Variants in CELF2 observed in about 807,000 individuals in gnomAD.
The protein encoded by CELF2 is CUG triplet repeat RNA-binding protein 2.
Under a neutral mutation model 62.6 loss-of-function variants are expected in CELF2, and 8 were observed. That is an observed-to-expected ratio of 0.13 (90% confidence interval 0.07 to 0.23). CELF2 has a LOEUF of 0.23. Among genes scored for constraint, CELF2 ranks in the 10% least tolerant of loss-of-function variants. CELF2 has a pLI of 1.00. For synonymous variants in CELF2, 258 were observed against 250.0 expected (o/e 1.03, Z -0.30); for missense variants, 333 against 671.0 (o/e 0.50, Z 5.56).
Position 11,255,639 on chromosome 10 carries a change from C to T in CELF2, c.404-2099C>T, listed in dbSNP as rs3740196. ...TAGAGTTTCTGCGGTGTCCCAGGAG[C>T]TGTCACAGTGGGGAGAGAGCTGGGT... On this transcript the variant is annotated intron_variant, in intron 4 of 12. Transcript: ENST00000633077. This position sits in a 1 kb window ranked among gnomAD's most constrained non-coding sequence, Gnocchi z 5.5. Among the ~76,000 whole-genome samples the T allele has an allele frequency of 0.25, 38,347 of 151,984 alleles. 6,046 individuals are homozygous for T. The highest frequency in any genetic ancestry group is 0.34 in the Non-Finnish European group (23,286 of 67,918).
At chr10:10,545,324 C>A in the CELF2 span, among the ~76,000 whole-genome samples, 6 of 152,216 alleles carry the variant, frequency 3.9e-5, no homozygotes, top group Non-Finnish European at 1.5e-5. Context: ...CAGGTTCCAG[C>A]AGTTGCCCTG....
intron 1 of CELF2, among the ~76,000 whole-genome samples, chr10:10,805,233 G>T (rs551505661): frequency 1.3e-5 from 2 of 152,144 alleles, no homozygotes; most frequent in African/African-American, 4.8e-5. Context: ...CAGGTGTGGA[G>T]CCCCAGTGTG....
chr10:10,745,420 C>T, the CELF2 span, among the ~76,000 whole-genome samples: 3 of 152,306 alleles, frequency 2.0e-5, no homozygotes, highest in South Asian at 4.1e-4. Context: ...TTCATGTAAA[C>T]ATTTTCACAT....
rs1327645972 is a variant in CELF2 at position 11,244,585 on chromosome 10, G to GAA, written c.355-4568_355-4567insAA. Among the ~76,000 whole-genome samples the GAA allele has an allele frequency of 6.6e-6, 1 of 151,254 alleles. No homozygotes were observed. Among genetic ancestry groups the GAA allele is most frequent in the Non-Finnish European group, 1.5e-5 (1 of 67,884 alleles). ...CAGGAGAATGGCATGAACCCGGGAG[G>GAA]CAGAGCTTTCAGTGAGCCGAGATCA... On this transcript the variant is annotated intron_variant, in intron 3 of 12. Coordinates refer to ENST00000633077, the MANE Select transcript of CELF2 (RefSeq NM_001326342.2). The surrounding 1 kb of genome is among the most constrained non-coding windows in gnomAD (Gnocchi z 4.2).
chr10:11,289,934 G>C (rs1244708417), intron 9 of CELF2, among the ~76,000 whole-genome samples: 1 of 152,134 alleles, frequency 6.6e-6, no homozygotes, highest in Non-Finnish European at 1.5e-5. Context: ...TCACAAATCA[G>C]ATTAAAATGT....
chr10:10,500,103 G>C, the CELF2 span, among the ~76,000 whole-genome samples: 2 of 152,156 alleles, frequency 1.3e-5, no homozygotes, highest in East Asian at 3.8e-4. Context: ...GCTTCTAACT[G>C]TCTTAAGTCT....
the CELF2 span, among the ~76,000 whole-genome samples, chr10:10,520,137 G>C: frequency 1.3e-5 from 2 of 152,174 alleles, no homozygotes; most frequent in Non-Finnish European, 2.9e-5. Context: ...CATTTTTTAA[G>C]TGAAACATTA....
At chr10:11,229,864 A>T (rs7922355) in intron 3 of CELF2, among the ~76,000 whole-genome samples, 1 of 152,054 alleles carries the variant, frequency 6.6e-6, no homozygotes. Context: ...AGCTGGGATT[A>T]CAGGCCTGAG....
the CELF2 span, among the ~76,000 whole-genome samples, chr10:10,594,291 G>A: frequency 6.6e-6 from 1 of 152,186 alleles, no homozygotes; most frequent in Non-Finnish European, 1.5e-5. Context: ...AATGCAGGAG[G>A]AAACGCTCAT....
At chr10:11,004,418 C>CGT (rs2054855494), upstream of CELF2, among the ~76,000 whole-genome samples, 1 of 142,960 alleles carries the variant, frequency 7.0e-6, no homozygotes, top group African/African-American at 3.0e-5. The surrounding 1 kb of genome is among the most constrained non-coding windows in gnomAD (Gnocchi z 5.0). Context: ...TGTGTGTGCG[C>CGT]GCGCGTGTGT....
the CELF2 span, among the ~76,000 whole-genome samples, chr10:10,525,576 A>G: frequency 6.6e-6 from 1 of 152,172 alleles, no homozygotes; most frequent in Non-Finnish European, 1.5e-5. Context: ...TCTACCTGTA[A>G]GTGAGACCAT....
chr10:10,837,247 G>C (rs1442044253), intron 1 of CELF2, among the ~76,000 whole-genome samples: 4 of 152,150 alleles, frequency 2.6e-5, no homozygotes, highest in South Asian at 2.1e-4. Flanking sequence ...TAGTGAATAA[G>C]TCTCATGAGA....
chr10:10,778,584 C>A, the CELF2 span, among the ~76,000 whole-genome samples: 1 of 152,152 alleles, frequency 6.6e-6, no homozygotes, highest in Non-Finnish European at 1.5e-5. Context: ...CTTTTTATTA[C>A]CCTGAAGAGT....
chr10:11,093,109 A>G (rs1037524001), intron 1 of CELF2, among the ~76,000 whole-genome samples: 6 of 152,170 alleles, frequency 3.9e-5, no homozygotes, highest in African/African-American at 1.2e-4. Context: ...ATGCAAAGTG[A>G]TGCAGTTACT....
intron 2 of CELF2, among the ~76,000 whole-genome samples, chr10:10,982,098 G>A (rs1047828122): frequency 2.0e-5 from 3 of 151,872 alleles, no homozygotes; most frequent in African/African-American, 7.3e-5. Flanking sequence ...TGGGATTATA[G>A]GTGCCCACCA....
intron 1 of CELF2, among the ~76,000 whole-genome samples, chr10:10,804,595 G>A (rs2055013948): frequency 6.6e-6 from 1 of 152,222 alleles, no homozygotes; most frequent in South Asian, 2.1e-4. Flanking sequence ...TGAATGTCTG[G>A]AGGAAATGTA....
At chr10:10,559,788 T>C in the CELF2 span, among the ~76,000 whole-genome samples, 1 of 152,190 alleles carries the variant, frequency 6.6e-6, no homozygotes, top group Non-Finnish European at 1.5e-5. Flanking sequence ...TTCACGCACA[T>C]GTGGACTGCT....
At chr10:10,651,812 C>T in the CELF2 span, among the ~76,000 whole-genome samples, 4 of 151,662 alleles carry the variant, frequency 2.6e-5, no homozygotes, top group East Asian at 1.9e-4. Flanking sequence ...AAAAGCAGAG[C>T]GCCTCTCCTC....
chr10:10,562,043 G>T, the CELF2 span, among the ~76,000 whole-genome samples: 1 of 152,154 alleles, frequency 6.6e-6, no homozygotes, highest in Non-Finnish European at 1.5e-5. Context: ...TTACCAGAAG[G>T]CTCCAACCCT....
Sources: gnomAD v4.1 joint callset for allele counts (sites outside exome capture counted in the v4.1 genomes callset) on GRCh38, gnomAD v4.1.1 for gene constraint, Gnocchi (gnomAD v3.1) non-coding constraint, MANE v1.5 for transcripts, NCBI Gene and HGNC (gene_info 2026-07-23, HGNC 2026-07-21) for gene names.